FARP1: variants seen among roughly 807,000 people sequenced by gnomAD.
The protein encoded by FARP1 is FERM, ARH/RhoGEF and pleckstrin domain protein 1, also known as FERM, ARHGEF and pleckstrin domain-containing protein 1.
In FARP1, 52 loss-of-function variants were observed where a neutral mutation model predicts 128.8. The ratio of observed to expected loss-of-function variants is 0.40; its 90% confidence interval spans 0.32 to 0.51. The LOEUF (loss-of-function observed/expected upper bound fraction) is 0.51. FARP1 is among the 20% of genes least tolerant of loss of function. FARP1 has a pLI of 0.45. For missense variants in FARP1, 1,333 were observed against 1,367.9 expected, an observed-to-expected ratio of 0.97 and a Z score of 0.40; for synonymous variants, 580 against 551.8, an observed-to-expected ratio of 1.05 and a Z score of -0.72.
intron 1 of FARP1, among the ~76,000 whole-genome samples, chr13:98,172,346 G>GGGGGCT (rs1196845312): frequency 6.6e-5 from 10 of 151,994 alleles, no homozygotes; most frequent in Non-Finnish European, 1.5e-5. Context: ...GGGTTGGCAC[G>GGGGGCT]GGGGCTGGGG....
chr13:98,251,962 G>A (rs1213557899), intron 2 of FARP1, among the ~76,000 whole-genome samples: 1 of 151,990 alleles, frequency 6.6e-6, no homozygotes, highest in Non-Finnish European at 1.5e-5. Flanking sequence ...ATTCTCCTGC[G>A]TCAGCCTCCT....
At chr13:98,243,039 A>G (rs950957959) in intron 2 of FARP1, among the ~76,000 whole-genome samples, 3 of 152,194 alleles carry the variant, frequency 2.0e-5, no homozygotes, top group African/African-American at 7.2e-5. Flanking sequence ...TTTTATGTCG[A>G]AAGGTTTTAC....
chr13:98,273,953 C>G (rs574657965), intron 2 of FARP1, among the ~76,000 whole-genome samples: 15 of 152,158 alleles, frequency 9.9e-5, no homozygotes, highest in Non-Finnish European at 2.1e-4. Flanking sequence ...CACTTATAAT[C>G]AGTTTTTGTT....
chr13:98,447,824 G>A (rs1301775582), intron 26 of FARP1: 1 of 179,168 alleles, frequency 5.6e-6, no homozygotes, highest in African/African-American at 2.4e-5. Context: ...CAGTATGAGT[G>A]ACAGAGCCAG....
intron 2 of FARP1, among the ~76,000 whole-genome samples, chr13:98,277,149 C>CACACACACACACA (rs1566824323): frequency 5.0e-4 from 57 of 113,258 alleles, no homozygotes; most frequent in South Asian, 9.4e-4. Flanking sequence ...CACACACACA[C>CACACACACACACA]CCCATATGTA....
At chr13:98,222,016 C>T (rs1881440339) in intron 2 of FARP1, among the ~76,000 whole-genome samples, 1 of 152,316 alleles carries the variant, frequency 6.6e-6, no homozygotes, top group Non-Finnish European at 1.5e-5. Flanking sequence ...ATGATTTTAA[C>T]TCATAAGACA....
At chr13:98,281,297 G>C (rs1405946135) in intron 2 of FARP1, among the ~76,000 whole-genome samples, 1 of 152,052 alleles carries the variant, frequency 6.6e-6, no homozygotes, top group Admixed American at 6.6e-5. Context: ...AGGTTGCAGT[G>C]AGCCGGTTGC....
intron 1 of FARP1, among the ~76,000 whole-genome samples, chr13:98,183,156 T>C (rs900075405): frequency 6.6e-6 from 1 of 152,248 alleles, no homozygotes; most frequent in Non-Finnish European, 1.5e-5. Flanking sequence ...CATTTGTGTA[T>C]CTTTGTCCCT....
intron 2 of FARP1, among the ~76,000 whole-genome samples, chr13:98,312,338 A>G (rs539172210): frequency 3.3e-5 from 5 of 151,724 alleles, no homozygotes; most frequent in Non-Finnish European, 2.9e-5. Flanking sequence ...ACAGGGTTTC[A>G]CCGTGTTAGC....
rs115758524 is a variant in FARP1 at position 98,444,691 on chromosome 13, C to T, written c.2797-1407C>T. 5.4e-3 allele frequency among the ~76,000 whole-genome samples: 819 copies of T among 152,294 alleles called. 5 individuals are homozygous for T. Among genetic ancestry groups the T allele is most frequent in the African/African-American group, 0.017 (721 of 41,560 alleles). ...GGCTATTGGAATGGCCAGGCAGAAG[C>T]TAGAGAGCGCTAAGGAAGCTGCTTT... On this transcript the variant is annotated intron_variant, in intron 24 of 26. Transcript: ENST00000319562.
intron 8 of FARP1, among the ~76,000 whole-genome samples, chr13:98,386,473 C>A (rs662704): frequency 0.23 from 34,886 of 151,964 alleles, 4,406 homozygotes; most frequent in African/African-American, 0.34. Flanking sequence ...CTCTTAGTAG[C>A]CTTATTGAAG....
At chr13:98,272,299 G>A (rs1257651177) in intron 2 of FARP1, among the ~76,000 whole-genome samples, 1 of 152,042 alleles carries the variant, frequency 6.6e-6, no homozygotes, top group East Asian at 1.9e-4. Context: ...CAAAGTGCTG[G>A]GATTACAGGT....
intron 2 of FARP1, among the ~76,000 whole-genome samples, chr13:98,259,038 T>C (rs1005769526): frequency 6.6e-6 from 1 of 151,806 alleles, no homozygotes; most frequent in Non-Finnish European, 1.5e-5. Context: ...TGAGACCCTG[T>C]CTGTCTCTAC....
At chr13:98,358,078 T>G (rs1382230278) in intron 3 of FARP1, among the ~76,000 whole-genome samples, 1 of 151,956 alleles carries the variant, frequency 6.6e-6, no homozygotes. Context: ...TCTGTTTTTT[T>G]TTTTTTTTCC....
chr13:98,348,191 T>C (rs1425690918), intron 3 of FARP1, among the ~76,000 whole-genome samples: 1 of 152,252 alleles, frequency 6.6e-6, no homozygotes, highest in Non-Finnish European at 1.5e-5. Context: ...TTAAAAGAGT[T>C]GATTGCAGTG....
intron 11 of FARP1, among the ~76,000 whole-genome samples, chr13:98,392,178 A>G (rs1890328609): frequency 6.6e-6 from 1 of 151,992 alleles, no homozygotes; most frequent in Non-Finnish European, 1.5e-5. Context: ...CTGCATCCCA[A>G]AAGAGTGTGT....
chr13:98,175,651 C>G (rs1436644244), intron 1 of FARP1: 1 of 153,418 alleles, frequency 6.5e-6, no homozygotes, highest in East Asian at 1.9e-4. Flanking sequence ...TAGCAAAACT[C>G]AAGCTCTGTA....
intron 2 of FARP1, among the ~76,000 whole-genome samples, chr13:98,242,494 A>T (rs1344772413): frequency 6.6e-6 from 1 of 152,106 alleles, no homozygotes; most frequent in East Asian, 1.9e-4. Flanking sequence ...TGGGCAACAT[A>T]GTGAGACCTC....
intron 1 of FARP1, among the ~76,000 whole-genome samples, chr13:98,172,853 GT>G (rs1555324525): frequency 6.6e-6 from 1 of 152,166 alleles, no homozygotes; most frequent in Non-Finnish European, 1.5e-5. Flanking sequence ...AACTTTACAC[GT>G]TTCTGAAAGC....
Sources: gnomAD v4.1 joint callset for allele counts (sites outside exome capture counted in the v4.1 genomes callset) on GRCh38, gnomAD v4.1.1 for gene constraint, MANE v1.5 for transcripts, NCBI Gene and HGNC (gene_info 2026-07-23, HGNC 2026-07-21) for gene names.